Variants in SUCLA2 observed in about 807,000 individuals in gnomAD.
The protein encoded by SUCLA2 is succinate--CoA ligase [ADP-forming] subunit beta, mitochondrial.
SUCLA2 carries 30 observed loss-of-function variants against 54.8 expected under a neutral mutation model. The observed-to-expected ratio is 0.55, with a 90% confidence interval of 0.41 to 0.74. The LOEUF is 0.74. SUCLA2 is among the 30% of genes least tolerant of loss of function. The probability of loss-of-function intolerance (pLI) is 0.00; values close to 1 mark genes in which losing one functional copy is unlikely to be tolerated. For missense variants in SUCLA2, 476 were observed against 562.9 expected (o/e 0.85, Z 1.56); for synonymous variants, 172 against 188.9 (o/e 0.91, Z 0.74).
intron 10 of SUCLA2, 129 bp downstream of exon 10, chr13:47,948,811 C>T (rs1949754943): frequency 3.4e-6 from 3 of 894,278 alleles, no homozygotes; most frequent in Admixed American, 1.8e-5. Context: ...CATGAATAAT[C>T]GTTTTCTTTA....
At chr13:47,955,766 A>G (rs781165988) in intron 6 of SUCLA2, among the ~76,000 whole-genome samples, 9 of 152,080 alleles carry the variant, frequency 5.9e-5, no homozygotes, top group Non-Finnish European at 1.2e-4. Flanking sequence ...ATGGCTCTTA[A>G]CAAAGGTCAC....
At chr13:47,989,625 C>A (rs1182637128) in intron 2 of SUCLA2, among the ~76,000 whole-genome samples, 3 of 152,164 alleles carry the variant, frequency 2.0e-5, no homozygotes, top group Non-Finnish European at 4.4e-5. Flanking sequence ...TGGAAAGTAT[C>A]AAAAGTACAA....
chr13:47,988,829 A>G, intron 3 of SUCLA2, 53 bp downstream of exon 3: 1 of 1,595,628 alleles, frequency 6.3e-7, no homozygotes, highest in Non-Finnish European at 8.6e-7. Context: ...TCAATAAGTA[A>G]TCTTTAATCA....
At chr13:48,001,140 C>T (rs372806373) in intron 1 of SUCLA2, 40 bp downstream of exon 1, 4 of 1,579,326 alleles carry the variant, frequency 2.5e-6, no homozygotes, top group Non-Finnish European at 2.6e-6. Context: ...ACCCTTTCTC[C>T]TGCCGACCCT....
At chr13:47,962,534 T>C (rs1324423401) in intron 6 of SUCLA2, among the ~76,000 whole-genome samples, 1 of 152,138 alleles carries the variant, frequency 6.6e-6, no homozygotes, top group Non-Finnish European at 1.5e-5. Context: ...GGTAGATTGG[T>C]AGAAGCTTAT....
At chr13:47,993,478 C>T (rs1950165695) in intron 2 of SUCLA2, among the ~76,000 whole-genome samples, 1 of 152,128 alleles carries the variant, frequency 6.6e-6, no homozygotes, top group Non-Finnish European at 1.5e-5. Flanking sequence ...TCTAACCATT[C>T]CTCCATTCCT....
chr13:47,983,897 T>C (rs1281635529), intron 4 of SUCLA2, among the ~76,000 whole-genome samples: 2 of 151,496 alleles, frequency 1.3e-5, no homozygotes, highest in Non-Finnish European at 2.9e-5. Context: ...CTCACTAAAG[T>C]AAAAATTAAG....
At chr13:48,000,164 G>C (rs1361743134) in intron 1 of SUCLA2, among the ~76,000 whole-genome samples, 1 of 151,532 alleles carries the variant, frequency 6.6e-6, no homozygotes, top group Non-Finnish European at 1.5e-5. Flanking sequence ...GTAGGGGCGG[G>C]AGGGCCCTAA....
At chr13:47,979,418 A>C (rs534409212) in intron 4 of SUCLA2, among the ~76,000 whole-genome samples, 1 of 152,164 alleles carries the variant, frequency 6.6e-6, no homozygotes, top group African/African-American at 2.4e-5. Context: ...TGTTCTCATC[A>C]TAAGTGGGAG....
In SUCLA2 at chr13:47,943,146, G is replaced by A; in HGVS notation, c.*225C>T. On this transcript the variant is annotated 3_prime_UTR_variant, in exon 11 of 11. Transcript: ENST00000646932. ...TTTGTAGGAGAAGCAAAAAAGACTG[G>A]CTGCGACAAAAGAAAGAAGATAACT... 1 of 500,182 alleles carries A rather than the reference G, an allele frequency of 2.0e-6. No homozygotes were observed. Among genetic ancestry groups the A allele is most frequent in the South Asian group, 2.5e-5 (1 of 39,320 alleles). The allele number at this position is 500,182 out of a possible 1,614,324, so 31.0% of individuals were successfully genotyped here. A position where few individuals can be genotyped will look rare whatever the true frequency, so the allele number is the denominator to read the frequency against.
At chr13:47,959,100 A>G (rs972043364) in intron 6 of SUCLA2, among the ~76,000 whole-genome samples, 2 of 152,182 alleles carry the variant, frequency 1.3e-5, no homozygotes, top group Admixed American at 1.3e-4. Flanking sequence ...TTTCACTAAC[A>G]TTTAAGGTTA....
intron 1 of SUCLA2, among the ~76,000 whole-genome samples, chr13:47,999,400 G>C (rs1482702015): frequency 6.6e-6 from 1 of 152,152 alleles, no homozygotes; most frequent in Non-Finnish European, 1.5e-5. Context: ...AGGAGGGTCA[G>C]AGAACTTAAA....
intron 3 of SUCLA2, 65 bp from the exon 4 acceptor site, chr13:47,988,768 T>C (rs1034211023): frequency 1.2e-5 from 19 of 1,602,678 alleles, no homozygotes; most frequent in African/African-American, 5.4e-5. Context: ...ATCCACATAA[T>C]AGCCAAAATT....
At chr13:47,967,178 G>T (rs1182251753) in intron 6 of SUCLA2, among the ~76,000 whole-genome samples, 1 of 152,058 alleles carries the variant, frequency 6.6e-6, no homozygotes, top group Non-Finnish European at 1.5e-5. Flanking sequence ...GATTAAAAAA[G>T]TGTTTTTCTA....
At chr13:47,987,029 T>C (rs1237410029) in intron 4 of SUCLA2, among the ~76,000 whole-genome samples, 1 of 152,234 alleles carries the variant, frequency 6.6e-6, no homozygotes, top group Non-Finnish European at 1.5e-5. Flanking sequence ...ATTTATAATG[T>C]CTTCGGTCAA....
At chr13:47,979,447 T>G (rs1950044036) in intron 4 of SUCLA2, among the ~76,000 whole-genome samples, 1 of 151,324 alleles carries the variant, frequency 6.6e-6, no homozygotes, top group African/African-American at 2.4e-5. Context: ...TGAGAACACA[T>G]GGACACAGGG....
intron 4 of SUCLA2, among the ~76,000 whole-genome samples, chr13:47,980,340 G>A (rs560284783): frequency 3.3e-5 from 5 of 152,170 alleles, no homozygotes; most frequent in Admixed American, 1.3e-4. Context: ...GTGTGAACCC[G>A]GGAAATGCAG....
intron 5 of SUCLA2, among the ~76,000 whole-genome samples, chr13:47,972,681 A>AAAG (rs1555258054): frequency 6.6e-6 from 1 of 150,744 alleles, no homozygotes; most frequent in African/African-American, 2.4e-5. Context: ...AAAAAAAAAA[A>AAAG]AAAGAAAGAA....
chr13:47,968,550 G>A (rs1242081516), intron 6 of SUCLA2, 45 bp downstream of exon 6: 2 of 1,606,010 alleles, frequency 1.2e-6, no homozygotes, highest in Non-Finnish European at 8.5e-7. Flanking sequence ...AAGCATATTA[G>A]AGAAATAAAT....
Sources: gnomAD v4.1 joint callset for allele counts (sites outside exome capture counted in the v4.1 genomes callset) on GRCh38, gnomAD v4.1.1 for gene constraint, MANE v1.5 for transcripts, NCBI Gene and HGNC (gene_info 2026-07-23, HGNC 2026-07-21) for gene names.